The following MTMR9 variants were observed in gnomAD, a reference collection of about 807,000 sequenced individuals.
The protein encoded by MTMR9 is myotubularin related protein 9.
MTMR9 carries 39 observed loss-of-function variants against 69.5 expected under a neutral mutation model. That is an observed-to-expected ratio of 0.56 (90% CI 0.43 to 0.73). The LOEUF (loss-of-function observed/expected upper bound fraction) is 0.73, where lower values mean the gene tolerates loss of function less well. MTMR9 is among the 30% of genes least tolerant of loss of function. MTMR9 has a pLI of 0.00. For synonymous variants in MTMR9, 354 were observed against 240.8 expected (o/e 1.47, Z -4.35); for missense variants, 900 against 671.2 (o/e 1.34, Z -3.77).
At position 11,285,048 on chromosome 8, in the gene MTMR9, A is replaced by C; in HGVS notation, c.160A>C (p.Asn54His). 3.7e-6 allele frequency: 6 copies of C among 1,607,216 alleles called. No homozygotes were observed. The highest frequency in any genetic ancestry group is 1.1e-5 in the South Asian group (1 of 90,292). Reference protein sequence around the residue: ...NTEELWLLHSNIDAIDKRFVG... With the variant: ...NTEELWLLHSHIDAIDKRFVG... ...GGAGGAGCTGTGGCTCCTCCATTCA[A>C]ACATCGACGCCATCGACAAGCGGTG... Residue 54 changes from asparagine to histidine, a missense_variant, in exon 1 of 10, where the codon AAC becomes CAC. Asn to His is a moderately conservative substitution (Grantham distance 68). Coordinates refer to ENST00000221086, the MANE Select transcript of MTMR9 (RefSeq NM_015458.4).
At chr8:11,309,898 T>C (rs1800125444) in intron 6 of MTMR9, among the ~76,000 whole-genome samples, 1 of 152,182 alleles carries the variant, frequency 6.6e-6, no homozygotes, top group Admixed American at 6.5e-5. Flanking sequence ...CAGGTAAATA[T>C]ACATGTCTTC....
At chr8:11,299,272 G>C (rs761883574) in intron 2 of MTMR9, among the ~76,000 whole-genome samples, 1 of 152,334 alleles carries the variant, frequency 6.6e-6, no homozygotes, top group African/African-American at 2.4e-5. Flanking sequence ...GGAGGCTGCA[G>C]TGAGCCGAGA....
chr8:11,310,460 A>G (rs980465404), intron 6 of MTMR9, among the ~76,000 whole-genome samples: 4 of 152,212 alleles, frequency 2.6e-5, no homozygotes, highest in Non-Finnish European at 5.9e-5. Flanking sequence ...TTAGGGAAAT[A>G]TATACCTAAT....
intron 1 of MTMR9, among the ~76,000 whole-genome samples, chr8:11,288,004 A>C (rs1169135857): frequency 4.4e-4 from 55 of 124,294 alleles, no homozygotes; most frequent in African/African-American, 1.6e-3. Context: ...TACATATAAT[A>C]CATAGTATAT....
At position 11,306,039 on chromosome 8, in the gene MTMR9, C is replaced by G. The variant is rs1161749657; in HGVS notation, c.592-151C>G. Reference sequence around the variant, plus strand: ...TTATAGTTATTAACTATTGTCAATACATGCAAATATTTCTTTGTTTATGGA... The same window carrying G: ...TTATAGTTATTAACTATTGTCAATAGATGCAAATATTTCTTTGTTTATGGA... On this transcript the variant is annotated intron_variant, in intron 4 of 9. Transcript: ENST00000221086. The G allele has an allele frequency of 4.7e-6, 3 of 644,174 alleles. No homozygotes were observed. In the Admixed American group the frequency reaches 8.5e-5, roughly 18 times the overall value. The allele number at this position is 644,174 out of a possible 1,614,324, so 39.9% of individuals were successfully genotyped here.
chr8:11,295,944 G>C (rs775652716), intron 2 of MTMR9, among the ~76,000 whole-genome samples: 1 of 152,162 alleles, frequency 6.6e-6, no homozygotes, highest in Non-Finnish European at 1.5e-5. Context: ...CCACTAGTGA[G>C]TTAACCAGTG....
chr8:11,319,991 C>A (rs1800606152), intron 9 of MTMR9, 153 bp downstream of exon 9: 1 of 625,882 alleles, frequency 1.6e-6, no homozygotes, highest in African/African-American at 1.9e-5. Flanking sequence ...ATGTTTTTCT[C>A]TTTCAAATCA....
chr8:11,285,202 G>T lies in MTMR9; in HGVS notation c.182+132G>T, dbSNP rs899176571. On this transcript the variant is annotated intron_variant, in intron 1 of 9. Coordinates refer to ENST00000221086, the MANE Select transcript of MTMR9 (RefSeq NM_015458.4). ...GGCAAGATGAGCCCTCTGTGGCCTA[G>T]AATCAGGATTTACCAAGCTGAAACC... 3 of 910,696 alleles carry T rather than the reference G, an allele frequency of 3.3e-6. No homozygotes were observed. The African/African-American group carries it at 5.1e-5, about 15-fold the overall frequency. The allele number at this position is 910,696 out of a possible 1,614,324, so 56.4% of individuals were successfully genotyped here.
In MTMR9 at chr8:11,323,418, GTCC is replaced by G. The variant is rs572485238; in HGVS notation, c.*634_*636del. 1.3e-5 allele frequency: 2 copies of G among 152,190 alleles called. No homozygotes were observed. Among genetic ancestry groups the G allele is most frequent in the Non-Finnish European group, 2.9e-5 (2 of 68,042 alleles). 9.4% of individuals were successfully genotyped at this position (152,190 alleles called of 1,614,324 possible). On this transcript the variant is annotated 3_prime_UTR_variant, in exon 10 of 10. Transcript: ENST00000221086. ...TATTTCTACAAGGGCAACAGGTATG[GTCC>G]TCCGATATTTACATTAAGAAGAGTT...
chr8:11,309,554 C>T lies in MTMR9; in HGVS notation c.837C>T (p.Ile279=). ...ERYHILQESL[I]KLVEACNDQT... ...ATCACATTCTTCAGGAGAGCTTAAT[C>T]AAACTTGTGGAAGCTTGTAATGACC... is the stretch of plus-strand genomic sequence containing the variant. Residue 279 remains isoleucine (I), a synonymous_variant, in exon 6 of 10, where the codon ATC becomes ATT. Transcript: ENST00000221086. 1.9e-6 allele frequency: 3 copies of T among 1,613,576 alleles called. No homozygotes were observed. The highest frequency in any genetic ancestry group is 1.3e-5 in the African/African-American group (1 of 74,992).
At chr8:11,330,187 C>T (rs1380301991), downstream of MTMR9, among the ~76,000 whole-genome samples, 46 of 150,706 alleles carry the variant, frequency 3.1e-4, no homozygotes, top group Middle Eastern at 3.4e-3. Flanking sequence ...CCGCCCCGTC[C>T]GGGAGGGAGG....
At chr8:11,289,772 T>A (rs1324515816) in intron 1 of MTMR9, among the ~76,000 whole-genome samples, 2 of 151,936 alleles carry the variant, frequency 1.3e-5, no homozygotes, top group East Asian at 3.9e-4. Flanking sequence ...CTTAATATGG[T>A]GACACAATAC....
At chr8:11,331,683 T>C (rs1801237165), downstream of MTMR9, 1 of 1,612,068 alleles carries the variant, frequency 6.2e-7, no homozygotes, top group Non-Finnish European at 8.5e-7. Context: ...CACCCTGGGC[T>C]ATGTGCAGGC....
downstream of MTMR9, among the ~76,000 whole-genome samples, chr8:11,329,100 T>G (rs1397963089): frequency 6.6e-6 from 1 of 152,242 alleles, no homozygotes; most frequent in East Asian, 1.9e-4. Flanking sequence ...TGCATATTCA[T>G]TTCTGTGCAC....
chr8:11,285,017 C>CAAT lies in MTMR9; in HGVS notation c.131_133dup (p.Asn44dup). The CAAT allele has an allele frequency of 4.3e-6, 7 of 1,613,300 alleles. No individual in the cohort carries two copies. Among genetic ancestry groups the CAAT allele is most frequent in the Non-Finnish European group, 5.9e-6 (7 of 1,179,730 alleles). ...ACTTGATCCTGTCCTCCCGGCAGGA[C>CAAT]AATACGGAGGAGCTGTGGCTCCTCC... On this transcript the variant is annotated inframe_insertion, in exon 1 of 10. Transcript: ENST00000221086.
At position 11,325,001 on chromosome 8, in the gene MTMR9, T is replaced by C. The variant is rs1328026775; in HGVS notation, c.*2213T>C. ...CATCAAGGTAGACCCATCTTCCTGA[T>C]GCACATTTGCTGTGCGAGCCAGAGT... On this transcript the variant is annotated 3_prime_UTR_variant, in exon 10 of 10. Coordinates refer to ENST00000221086, the MANE Select transcript of MTMR9 (RefSeq NM_015458.4). 2 of 152,266 alleles carry C rather than the reference T, an allele frequency of 1.3e-5. No individual in the cohort carries two copies. Among genetic ancestry groups the C allele is most frequent in the Non-Finnish European group, 2.9e-5 (2 of 68,056 alleles). The allele number at this position is 152,266 out of a possible 1,614,324, so 9.4% of individuals were successfully genotyped here.
downstream of MTMR9, among the ~76,000 whole-genome samples, chr8:11,328,956 T>C (rs974869061): frequency 2.0e-5 from 3 of 152,250 alleles, no homozygotes; most frequent in Non-Finnish European, 2.9e-5. Context: ...TTAATTTTTG[T>C]ATACCGTGTA....
the MTMR9 span, among the ~76,000 whole-genome samples, chr8:11,337,416 A>G: frequency 3.9e-5 from 6 of 152,174 alleles, no homozygotes; most frequent in Non-Finnish European, 7.3e-5. Context: ...TCACTCACCA[A>G]TAATTTCATC....
chr8:11,312,046 ATTAT>A (rs553741555), intron 6 of MTMR9, among the ~76,000 whole-genome samples: 446 of 151,990 alleles, frequency 2.9e-3, no homozygotes, highest in African/African-American at 0.01. Flanking sequence ...CAGGTTCCTA[ATTAT>A]TTATTTATTT....
Sources: allele counts gnomAD v4.1 joint callset (sites outside exome capture counted in the v4.1 genomes callset), GRCh38; gene constraint gnomAD v4.1.1; transcripts MANE v1.5; gene names NCBI Gene and HGNC (gene_info 2026-07-23, HGNC 2026-07-21).